SOAT1: variants seen among roughly 807,000 people sequenced by gnomAD.
SOAT1 encodes the protein sterol O-acyltransferase 1.
SOAT1 carries 55 observed loss-of-function variants against 69.5 expected under a neutral mutation model. The observed-to-expected ratio is 0.79, with a 90% CI of 0.64 to 0.99. SOAT1 has a LOEUF of 0.99. Among genes scored for constraint, SOAT1 ranks in the 50% least tolerant of loss-of-function variants. SOAT1 has a pLI of 0.00. For missense variants in SOAT1, 580 were observed against 669.3 expected (o/e 0.87, Z 1.47); for synonymous variants, 231 against 224.7 (o/e 1.03, Z -0.25).
intron 2 of SOAT1, among the ~76,000 whole-genome samples, chr1:179,315,772 T>C (rs1665371406): frequency 1.3e-5 from 2 of 152,196 alleles, no homozygotes; most frequent in Non-Finnish European, 2.9e-5. Context: ...GATAGACAGA[T>C]TCTTTTTGGA....
rs550119784 is a variant in SOAT1 at position 179,309,435 on chromosome 1, A to G, written c.118+6633A>G. Among the ~76,000 whole-genome samples, 152 of 152,300 alleles carry G rather than the reference A, an allele frequency of 1.0e-3. 2 individuals carry two copies. The highest frequency in any genetic ancestry group is 6.8e-3 in the Middle Eastern group (2 of 294). ...AGGTCAAAGGGCTTTTGCATTTAAA[A>G]TTTAGACATTATCAAATTTCCTTTA... On this transcript the variant is annotated intron_variant, in intron 2 of 15. Coordinates refer to ENST00000367619, the MANE Select transcript of SOAT1 (RefSeq NM_003101.6).
chr1:179,324,201 G>C (rs1025993692), intron 3 of SOAT1, among the ~76,000 whole-genome samples: 1 of 152,122 alleles, frequency 6.6e-6, no homozygotes, highest in Non-Finnish European at 1.5e-5. Flanking sequence ...GAATAATCTA[G>C]ATTTAGAAAT....
At chr1:179,302,378 G>A (rs1057285970) in intron 1 of SOAT1, among the ~76,000 whole-genome samples, 1 of 152,170 alleles carries the variant, frequency 6.6e-6, no homozygotes, top group Non-Finnish European at 1.5e-5. Context: ...CTGGTGGGAG[G>A]TGATTGGATC....
At chr1:179,318,791 T>C (rs1198012477) in intron 2 of SOAT1, among the ~76,000 whole-genome samples, 2 of 152,250 alleles carry the variant, frequency 1.3e-5, no homozygotes, top group Non-Finnish European at 2.9e-5. Flanking sequence ...CATGTATTAA[T>C]ATTTCTTTTG....
In SOAT1 at chr1:179,341,315, G is replaced by A. The variant is rs979037905; in HGVS notation, c.780+5G>A. ...TTCATCATTATATTCGAGCAGGTAA[G>A]GTTTTAAGTGTTACCCAAGGCGATG... On this transcript the variant is annotated splice_donor_5th_base_variant and intron_variant, in intron 7 of 15. Coordinates refer to ENST00000367619, the MANE Select transcript of SOAT1 (RefSeq NM_003101.6). The A allele has an allele frequency of 6.8e-6, 11 of 1,612,848 alleles. No homozygotes were observed. The highest frequency in any genetic ancestry group is 2.2e-5 in the East Asian group (1 of 44,864).
At chr1:179,341,750 G>A (rs1007544937) in intron 7 of SOAT1, among the ~76,000 whole-genome samples, 6 of 152,012 alleles carry the variant, frequency 3.9e-5, no homozygotes, top group African/African-American at 1.4e-4. Flanking sequence ...GGCTAGACTG[G>A]TCTCAAACTC....
At chr1:179,300,835 C>T (rs1664809285) in intron 1 of SOAT1, among the ~76,000 whole-genome samples, 1 of 152,094 alleles carries the variant, frequency 6.6e-6, no homozygotes, top group African/African-American at 2.4e-5. Flanking sequence ...GTGGCTCATG[C>T]CTGTAATCCC....
At chr1:179,331,672 A>G (rs1665979514) in intron 3 of SOAT1, among the ~76,000 whole-genome samples, 1 of 152,218 alleles carries the variant, frequency 6.6e-6, no homozygotes, top group Non-Finnish European at 1.5e-5. Context: ...ATACACTTGA[A>G]TATATAGAAT....
intron 2 of SOAT1, among the ~76,000 whole-genome samples, chr1:179,314,620 C>T (rs886792450): frequency 6.6e-6 from 1 of 152,022 alleles, no homozygotes; most frequent in East Asian, 1.9e-4. Flanking sequence ...ATGGGGGGGT[C>T]TCACTTTGTT....
chr1:179,309,797 G>C (rs1160589060), intron 2 of SOAT1, among the ~76,000 whole-genome samples: 1 of 151,734 alleles, frequency 6.6e-6, no homozygotes, highest in Non-Finnish European at 1.5e-5. Flanking sequence ...TTTGTCTTTT[G>C]ACTTTGCTTA....
At chr1:179,350,539 A>G in intron 14 of SOAT1, 108 bp downstream of exon 14, 1 of 994,388 alleles carries the variant, frequency 1.0e-6, no homozygotes, top group Non-Finnish European at 1.5e-6. Context: ...TAGTAGTAAC[A>G]TTTTAAGGTA....
intron 2 of SOAT1, among the ~76,000 whole-genome samples, chr1:179,304,327 G>T (rs1664932204): frequency 6.6e-6 from 1 of 150,652 alleles, no homozygotes; most frequent in Admixed American, 6.6e-5. Context: ...GCCTAGAGTG[G>T]AGTGCAATGG....
Position 179,324,889 on chromosome 1 carries a change from G to T in SOAT1, c.177+1394G>T, listed in dbSNP as rs1011634031. Among the ~76,000 whole-genome samples the T allele has an allele frequency of 1.1e-4, 16 of 150,228 alleles. No individual in the cohort carries two copies. The South Asian group carries it at 2.8e-3, about 26-fold the overall frequency. On this transcript the variant is annotated intron_variant, in intron 3 of 15. Transcript: ENST00000367619. Reference sequence around the variant, plus strand: ...ACGATCTCGGCTCACTGCAACCTCCGCCTCCTGGGTTCAAGGAATTCTCCT... The same window carrying T: ...ACGATCTCGGCTCACTGCAACCTCCTCCTCCTGGGTTCAAGGAATTCTCCT...
intron 2 of SOAT1, among the ~76,000 whole-genome samples, chr1:179,310,361 T>G (rs1363111581): frequency 2.0e-5 from 3 of 152,120 alleles, no homozygotes; most frequent in Admixed American, 1.3e-4. Context: ...GGGGATCTAA[T>G]TTTTTAGTTT....
At chr1:179,310,506 T>C (rs1665187263) in intron 2 of SOAT1, among the ~76,000 whole-genome samples, 2 of 152,200 alleles carry the variant, frequency 1.3e-5, no homozygotes, top group Non-Finnish European at 2.9e-5. Flanking sequence ...TTGAGAACTT[T>C]GTAAAGTTTT....
chr1:179,336,992 CA>C (rs34182074), intron 4 of SOAT1, among the ~76,000 whole-genome samples: 71,287 of 141,558 alleles, frequency 0.5, 17,866 homozygotes, highest in East Asian at 0.83. Flanking sequence ...GAGACTGACT[CA>C]AAAAAAAAAA....
intron 5 of SOAT1, among the ~76,000 whole-genome samples, chr1:179,338,824 T>A (rs16853936): frequency 0.22 from 34,137 of 152,052 alleles, 4,682 homozygotes; most frequent in East Asian, 0.38. Context: ...ACTGTGAAGA[T>A]CCTTGGTCCA....
chr1:179,330,155 C>T (rs1016953943), intron 3 of SOAT1, among the ~76,000 whole-genome samples: 7 of 152,098 alleles, frequency 4.6e-5, no homozygotes, highest in African/African-American at 1.7e-4. Context: ...AACTCAGAGG[C>T]TAGGGTTTTT....
chr1:179,300,174 GA>G (rs768266178), intron 1 of SOAT1, among the ~76,000 whole-genome samples: 3,430 of 147,174 alleles, frequency 0.023, 63 homozygotes, highest in Middle Eastern at 0.053. Flanking sequence ...CATCTGGCCA[GA>G]AAAAAAAAAA....
Sources: gnomAD v4.1 joint callset for allele counts (sites outside exome capture counted in the v4.1 genomes callset) on GRCh38, gnomAD v4.1.1 for gene constraint, MANE v1.5 for transcripts, NCBI Gene and HGNC (gene_info 2026-07-23, HGNC 2026-07-21) for gene names.